TDRD3: variants seen among roughly 807,000 people sequenced by gnomAD.
The protein encoded by TDRD3 is tudor domain-containing protein 3.
Under a neutral mutation model 86.7 loss-of-function variants are expected in TDRD3, and 45 were observed. The observed-to-expected ratio is 0.52, with a 90% CI of 0.41 to 0.67. TDRD3 has a LOEUF of 0.67. TDRD3 is among the 30% of genes least tolerant of loss of function. The pLI, the probability that TDRD3 is intolerant of heterozygous loss-of-function variation, is 0.00. For missense variants in TDRD3, 814 were observed against 889.0 expected (o/e 0.92, Z 1.07); for synonymous variants, 298 against 301.7 (o/e 0.99, Z 0.13).
At chr13:60,410,796 T>C (rs1015945849) in intron 1 of TDRD3, among the ~76,000 whole-genome samples, 2 of 152,208 alleles carry the variant, frequency 1.3e-5, no homozygotes, top group Non-Finnish European at 2.9e-5. Flanking sequence ...ATGTACGTTT[T>C]CCCTTATTTT....
At chr13:60,398,864 G>GT (rs138378209) in intron 1 of TDRD3, among the ~76,000 whole-genome samples, 17,209 of 152,204 alleles carry the variant, frequency 0.11, 1,312 homozygotes, top group African/African-American at 0.21. Context: ...TCTTCTTTCA[G>GT]TTTTTTTACC....
At chr13:60,472,881 T>C (rs1956102321) in intron 5 of TDRD3, among the ~76,000 whole-genome samples, 1 of 152,146 alleles carries the variant, frequency 6.6e-6, no homozygotes, top group East Asian at 1.9e-4. Context: ...ATGGGGGAGT[T>C]ATTGTTTAAT....
intron 13 of TDRD3, among the ~76,000 whole-genome samples, chr13:60,568,402 T>C (rs986867204): frequency 6.6e-6 from 1 of 152,204 alleles, no homozygotes; most frequent in Non-Finnish European, 1.5e-5. Flanking sequence ...ACTCTAGGTA[T>C]TTTTCTTACG....
At chr13:60,434,923 C>G (rs1955053819) in intron 1 of TDRD3, among the ~76,000 whole-genome samples, 2 of 152,188 alleles carry the variant, frequency 1.3e-5, no homozygotes, top group South Asian at 4.1e-4. Context: ...TCAATTAAGA[C>G]TGGTGAATCC....
At chr13:60,499,285 G>A (rs1489266028) in intron 8 of TDRD3, among the ~76,000 whole-genome samples, 2 of 152,184 alleles carry the variant, frequency 1.3e-5, no homozygotes, top group Non-Finnish European at 2.9e-5. Flanking sequence ...GGATTATCAA[G>A]TGGTGACTCC....
At chr13:60,438,960 A>G (rs1955186502) in intron 1 of TDRD3, among the ~76,000 whole-genome samples, 1 of 152,152 alleles carries the variant, frequency 6.6e-6, no homozygotes, top group African/African-American at 2.4e-5. Flanking sequence ...GAGTTTATCA[A>G]AGAGTTTCAA....
chr13:60,488,424 A>G (rs1040143479), intron 7 of TDRD3, among the ~76,000 whole-genome samples: 32 of 152,158 alleles, frequency 2.1e-4, no homozygotes, highest in Middle Eastern at 3.2e-3. Flanking sequence ...ATTTCTGTTT[A>G]TACAAAAAAA....
intron 12 of TDRD3, among the ~76,000 whole-genome samples, chr13:60,559,244 A>T (rs1958278344): frequency 6.6e-6 from 1 of 152,176 alleles, no homozygotes; most frequent in African/African-American, 2.4e-5. Flanking sequence ...GAAAACGAAG[A>T]TGTAGAAAAG....
chr13:60,410,114 T>C (rs1954325870), intron 1 of TDRD3, among the ~76,000 whole-genome samples: 2 of 152,186 alleles, frequency 1.3e-5, no homozygotes, highest in South Asian at 4.1e-4. Flanking sequence ...ATGAAAGAAG[T>C]GCCTTTCACC....
At chr13:60,435,612 T>C (rs1036313998) in intron 1 of TDRD3, among the ~76,000 whole-genome samples, 1 of 152,232 alleles carries the variant, frequency 6.6e-6, no homozygotes, top group African/African-American at 2.4e-5. Context: ...AATTCGTTTT[T>C]GTGGCTGAGT....
chr13:60,516,817 G>A (rs768102775), intron 10 of TDRD3, among the ~76,000 whole-genome samples: 1 of 152,072 alleles, frequency 6.6e-6, no homozygotes, highest in Non-Finnish European at 1.5e-5. Flanking sequence ...CTTCATCAAG[G>A]CTTTCATCGG....
chr13:60,464,848 A>G (rs2138071418), intron 4 of TDRD3, among the ~76,000 whole-genome samples: 1 of 152,266 alleles, frequency 6.6e-6, no homozygotes, highest in East Asian at 1.9e-4. Flanking sequence ...ATACAGTTAG[A>G]TAGAAGGAAT....
intron 12 of TDRD3, among the ~76,000 whole-genome samples, chr13:60,565,518 A>G (rs1460444044): frequency 6.6e-6 from 1 of 152,202 alleles, no homozygotes; most frequent in African/African-American, 2.4e-5. Flanking sequence ...CACAATAGAT[A>G]GAAATAGATT....
At position 60,453,901 on chromosome 13, in the gene TDRD3, GT is replaced by G. The variant is rs963929078; in HGVS notation, c.193-6471del. Among the ~76,000 whole-genome samples, 9 of 150,474 alleles carry G rather than the reference GT, an allele frequency of 6.0e-5. 1 individual carries two copies. Among genetic ancestry groups the G allele is most frequent in the Non-Finnish European group, 1.2e-4 (8 of 67,562 alleles). ...GACAACTTCTTAATTCAACTCATTA[GT>G]TTTTTTTGTTTTTTTTTCAGTTCTC... On this transcript the variant is annotated intron_variant, in intron 3 of 13. Coordinates refer to ENST00000377881, the MANE Select transcript of TDRD3 (RefSeq NM_001146070.2).
chr13:60,520,582 A>T (rs1462722687), intron 10 of TDRD3, among the ~76,000 whole-genome samples: 2 of 152,122 alleles, frequency 1.3e-5, no homozygotes, highest in Non-Finnish European at 2.9e-5. Flanking sequence ...GATTTCTTTC[A>T]TAGATTTTAT....
chr13:60,517,779 A>G (rs1426583691), intron 10 of TDRD3, among the ~76,000 whole-genome samples: 14 of 152,254 alleles, frequency 9.2e-5, no homozygotes, highest in Admixed American at 8.5e-4. Context: ...TACCTTTAAT[A>G]GTTAATAGTC....
At chr13:60,428,185 C>G (rs1954857850) in intron 1 of TDRD3, among the ~76,000 whole-genome samples, 1 of 150,498 alleles carries the variant, frequency 6.6e-6, no homozygotes, top group African/African-American at 2.5e-5. Context: ...CTCTGCCTCT[C>G]TCCTATAAAA....
In TDRD3 at chr13:60,528,823, G is replaced by A. The variant is rs538283662; in HGVS notation, c.1598G>A (p.Arg533His). ...TCTGTAGATTATAATAATCAAAAAC[G>A]TGGAAAAAGAGAAAGCCAAACATCT... ...QGSVDYNNQKRGKRESQTSIP... is the reference protein window; with the variant it reads ...QGSVDYNNQKHGKRESQTSIP... Residue 533 changes from arginine to histidine, a missense_variant, in exon 11 of 14, where the codon CGT becomes CAT. Transcript: ENST00000377881. 39 of 1,613,566 alleles carry A rather than the reference G, an allele frequency of 2.4e-5. 1 individual carries two copies. The South Asian group carries it at 2.4e-4, about 10-fold the overall frequency.
In TDRD3 at chr13:60,535,123, G is replaced by A. The variant is rs756760639; in HGVS notation, c.2008G>A (p.Val670Ile). Residue 670 changes from valine (V) to isoleucine (I), a missense_variant, in exon 12 of 14, where the codon GTT (valine) becomes ATT (isoleucine). Physicochemically the swap from Val to Ile is conservative, Grantham distance 29 (BLOSUM62 3). Transcript: ENST00000377881. Reference sequence around the variant, plus strand: ...GCCTCCTCAGTTTTACCGGGCAGAAGTTGAAGCCCTCCATTCTTCGGGTAT... The same window carrying A: ...GCCTCCTCAGTTTTACCGGGCAGAAATTGAAGCCCTCCATTCTTCGGGTAT... Reference protein sequence around the residue: ...WEDNKFYRAEVEALHSSGMTA... With the variant: ...WEDNKFYRAEIEALHSSGMTA... 6.2e-7 allele frequency: 1 copy of A among 1,613,732 alleles called. No homozygotes were observed. Among genetic ancestry groups the A allele is most frequent in the East Asian group, 2.2e-5 (1 of 44,862 alleles).
Sources: gnomAD v4.1 joint callset for allele counts (sites outside exome capture counted in the v4.1 genomes callset) on GRCh38, gnomAD v4.1.1 for gene constraint, MANE v1.5 for transcripts, NCBI Gene and HGNC (gene_info 2026-07-23, HGNC 2026-07-21) for gene names.